KCNG3: variants seen among roughly 807,000 people sequenced by gnomAD.
KCNG3 encodes the protein voltage-gated potassium channel regulatory subunit KCNG3.
KCNG3 carries 15 observed loss-of-function variants against 29.0 expected under a neutral mutation model. The observed-to-expected ratio is 0.52, with a 90% CI of 0.35 to 0.80. The LOEUF (loss-of-function observed/expected upper bound fraction) is 0.80, where lower values mean the gene tolerates loss of function less well. KCNG3 is among the 30% of genes least tolerant of loss of function. The pLI is 0.01. For synonymous variants in KCNG3, 322 were observed against 248.9 expected (o/e 1.29, Z -2.76); for missense variants, 512 against 605.7 (o/e 0.85, Z 1.62).
At chr2:42,409,719 AAAAAAAAAAATT>A in the KCNG3 span, among the ~76,000 whole-genome samples, 10 of 148,258 alleles carry the variant, frequency 6.7e-5, no homozygotes, top group African/African-American at 2.5e-4. Flanking sequence ...AAAAAAAAAA[AAAAAAAAAAATT>A]TTTTTTTAAA....
chr2:42,480,334 G>A (rs985728879), intron 1 of KCNG3, among the ~76,000 whole-genome samples: 1 of 152,178 alleles, frequency 6.6e-6, no homozygotes, highest in African/African-American at 2.4e-5. Flanking sequence ...CAGCCTTAGG[G>A]AAAGAACGTG....
chr2:42,396,291 A>G, the KCNG3 span, among the ~76,000 whole-genome samples: 1 of 152,226 alleles, frequency 6.6e-6, no homozygotes. Flanking sequence ...ATGTCCATAA[A>G]TTTCTTTAAA....
chr2:42,430,032 G>A, the KCNG3 span, among the ~76,000 whole-genome samples: 1 of 152,094 alleles, frequency 6.6e-6, no homozygotes, highest in Non-Finnish European at 1.5e-5. Flanking sequence ...TTGAGAGACT[G>A]CTGGCTACAA....
chr2:42,418,302 T>C, the KCNG3 span, among the ~76,000 whole-genome samples: 1 of 152,202 alleles, frequency 6.6e-6, no homozygotes, highest in African/African-American at 2.4e-5. Flanking sequence ...AGGTTAATAT[T>C]CCATTGCATA....
At chr2:42,456,357 T>C (rs376305546) in intron 1 of KCNG3, among the ~76,000 whole-genome samples, 2 of 152,034 alleles carry the variant, frequency 1.3e-5, no homozygotes, top group African/African-American at 2.4e-5. Context: ...GTCAAAACCC[T>C]GTCTCTACAA....
the KCNG3 span, among the ~76,000 whole-genome samples, chr2:42,435,316 A>G: frequency 1.3e-5 from 2 of 152,188 alleles, no homozygotes; most frequent in Admixed American, 6.5e-5. Flanking sequence ...CTCAAAAAAT[A>G]AAATAAAATT....
At chr2:42,392,494 G>A in the KCNG3 span, among the ~76,000 whole-genome samples, 1 of 152,082 alleles carries the variant, frequency 6.6e-6, no homozygotes, top group Non-Finnish European at 1.5e-5. Flanking sequence ...GTGCACAGCT[G>A]TTACTGAAAC....
intron 1 of KCNG3, chr2:42,469,898 T>C (rs970988632): frequency 3.5e-6 from 1 of 282,436 alleles, no homozygotes; most frequent in African/African-American, 2.2e-5. Flanking sequence ...TTGGCTGAAG[T>C]TGACATCTGA....
chr2:42,444,334 C>T lies in KCNG3; in HGVS notation c.911G>A (p.Arg304His), dbSNP rs934020802. The T allele has an allele frequency of 3.1e-6, 5 of 1,614,038 alleles. No homozygotes were observed. Among genetic ancestry groups the T allele is most frequent in the African/African-American group, 1.3e-5 (1 of 74,906 alleles). The change falls in exon 2 of 2, where the codon CGT becomes CAT. Residue 304 changes from arginine to histidine, a missense_variant. Coordinates refer to ENST00000306078, the MANE Select transcript of KCNG3 (RefSeq NM_133329.6). The surrounding 1 kb of genome is among the most constrained non-coding windows in gnomAD (Gnocchi z 5.8). The stretch of plus-strand genomic sequence containing the variant: ...GAGTGTCTGAAGACCAATGAAGTGA[C>T]GGGCAAGCTTAATCACCCAAAAAAT... ...MRIFWVIKLA[R>H]HFIGLQTLGL... is the part of the protein sequence containing the mutation.
intron 1 of KCNG3, among the ~76,000 whole-genome samples, chr2:42,486,807 T>C (rs917112882): frequency 6.6e-6 from 1 of 152,220 alleles, no homozygotes; most frequent in African/African-American, 2.4e-5. Flanking sequence ...GTGCCCATAC[T>C]GTCTGGCACA....
the KCNG3 span, among the ~76,000 whole-genome samples, chr2:42,409,505 A>T: frequency 6.6e-6 from 1 of 151,818 alleles, no homozygotes; most frequent in Admixed American, 6.6e-5. Flanking sequence ...GGAGTTTGAG[A>T]CCAGCACAGG....
intron 1 of KCNG3, among the ~76,000 whole-genome samples, chr2:42,480,755 T>C (rs1673561325): frequency 8.6e-6 from 1 of 116,320 alleles, no homozygotes; most frequent in Admixed American, 8.6e-5. Context: ...TGAAACCCCA[T>C]CTTAAAAAAA....
At chr2:42,406,516 G>A in the KCNG3 span, among the ~76,000 whole-genome samples, 4 of 149,690 alleles carry the variant, frequency 2.7e-5, no homozygotes, top group African/African-American at 4.9e-5. Context: ...CACCGCACCA[G>A]GCCTAATGCA....
At chr2:42,433,603 G>A in the KCNG3 span, among the ~76,000 whole-genome samples, 1 of 152,168 alleles carries the variant, frequency 6.6e-6, no homozygotes, top group Non-Finnish European at 1.5e-5. Context: ...GCCAGGCGTG[G>A]TAGCGCACCC....
intron 1 of KCNG3, among the ~76,000 whole-genome samples, chr2:42,486,694 G>A (rs1041326628): frequency 2.0e-5 from 3 of 152,086 alleles, no homozygotes; most frequent in South Asian, 2.1e-4. Flanking sequence ...CTCAACTCAC[G>A]TCACCTTTCA....
rs1417117312 is a variant in KCNG3 at position 42,477,359 on chromosome 2, A to G, written c.665+15478T>C. ...TTCAATACTATATATATGTGTGTGT[A>G]TATACATATATATACACACACATAT... On this transcript the variant is annotated intron_variant, in intron 1 of 1. Transcript: ENST00000306078. Among the ~76,000 whole-genome samples, 2 of 140,682 alleles carry G rather than the reference A, an allele frequency of 1.4e-5. 1 individual carries two copies. The highest frequency in any genetic ancestry group is 5.6e-5 in the African/African-American group (2 of 36,004). The allele number at this position is 140,682 out of a possible 152,430, so 92.3% of individuals were successfully genotyped here.
intron 1 of KCNG3, among the ~76,000 whole-genome samples, chr2:42,491,325 AG>A (rs1477371455): frequency 6.6e-6 from 1 of 151,934 alleles, no homozygotes; most frequent in African/African-American, 2.4e-5. Flanking sequence ...ATTATATTTG[AG>A]GTATTTTACT....
chr2:42,465,007 T>C (rs1673105351), intron 1 of KCNG3, among the ~76,000 whole-genome samples: 1 of 152,204 alleles, frequency 6.6e-6, no homozygotes, highest in South Asian at 2.1e-4. Flanking sequence ...AAAAATTTAA[T>C]CATTAGAGAG....
In KCNG3 at chr2:42,473,278, T is replaced by G. The variant is rs896299195; in HGVS notation, c.665+19559A>C. Among the ~76,000 whole-genome samples, 63 of 152,144 alleles carry G rather than the reference T, an allele frequency of 4.1e-4. 1 individual carries two copies. Among genetic ancestry groups the G allele is most frequent in the Non-Finnish European group, 7.3e-5 (5 of 68,028 alleles). On this transcript the variant is annotated intron_variant, in intron 1 of 1. Transcript: ENST00000306078. ...AATTGTGTTATCATCTATTGTTTTT[T>G]ATATGCCTGAAAGACTTTATAATGA...
Sources: gnomAD v4.1 joint callset for allele counts (sites outside exome capture counted in the v4.1 genomes callset) on GRCh38, gnomAD v4.1.1 for gene constraint, Gnocchi (gnomAD v3.1) non-coding constraint, MANE v1.5 for transcripts, NCBI Gene and HGNC (gene_info 2026-07-23, HGNC 2026-07-21) for gene names.